The following LINGO1 variants were observed in gnomAD, a reference collection of about 807,000 sequenced individuals.
LINGO1 encodes leucine rich repeat and Ig domain containing 1.
LINGO1 carries 11 observed loss-of-function variants against 37.3 expected under a neutral mutation model. The ratio of observed to expected loss-of-function variants is 0.29; its 90% confidence interval spans 0.19 to 0.49. LINGO1 has a LOEUF of 0.49. Among genes scored for constraint, LINGO1 ranks in the 20% least tolerant of loss-of-function variants. The probability of loss-of-function intolerance (pLI) is 0.99; values close to 1 mark genes in which losing one functional copy is unlikely to be tolerated. For missense variants in LINGO1, 585 were observed against 878.2 expected, an observed-to-expected ratio of 0.67 and a Z score of 4.22; for synonymous variants, 387 against 403.0, an observed-to-expected ratio of 0.96 and a Z score of 0.48.
chr15:77,777,250 C>T (rs1259839805), intron 1 of LINGO1, among the ~76,000 whole-genome samples: 2 of 121,626 alleles, frequency 1.6e-5, no homozygotes, highest in Non-Finnish European at 3.6e-5. Flanking sequence ...TGATTACTGT[C>T]GTTGTTATCA....
chr15:77,746,883 C>G (rs898814133), intron 1 of LINGO1, among the ~76,000 whole-genome samples: 7 of 152,148 alleles, frequency 4.6e-5, no homozygotes, highest in Admixed American at 2.6e-4. Flanking sequence ...GACCACCCCC[C>G]ACTCCCAGGG....
At chr15:77,718,083 T>A (rs2076006452) in intron 2 of LINGO1, among the ~76,000 whole-genome samples, 5 of 150,694 alleles carry the variant, frequency 3.3e-5, no homozygotes, top group Middle Eastern at 3.4e-3. Flanking sequence ...GACAGCGCCA[T>A]CCCCCATGGG....
At chr15:77,769,312 C>G (rs2076560623) in intron 1 of LINGO1, among the ~76,000 whole-genome samples, 1 of 152,240 alleles carries the variant, frequency 6.6e-6, no homozygotes, top group African/African-American at 2.4e-5. Context: ...CTCGTCCCAT[C>G]CCCACCTCTG....
chr15:77,678,301 C>T (rs2075360774), intron 2 of LINGO1, among the ~76,000 whole-genome samples: 2 of 152,142 alleles, frequency 1.3e-5, no homozygotes, highest in Admixed American at 6.5e-5. Flanking sequence ...TCCTGTCACC[C>T]CCAAATCCCG....
intron 3 of LINGO1, among the ~76,000 whole-genome samples, chr15:77,675,356 T>C (rs981476105): frequency 6.6e-6 from 1 of 152,156 alleles, no homozygotes; most frequent in African/African-American, 2.4e-5. Flanking sequence ...AGTTTATAAA[T>C]AGCCAAATGC....
At chr15:77,667,955 G>C (rs935647255) in intron 3 of LINGO1, 4 of 153,206 alleles carry the variant, frequency 2.6e-5, no homozygotes, top group Non-Finnish European at 4.4e-5. Context: ...GAGGGCAAAG[G>C]AACCTGCACA....
intron 1 of LINGO1, among the ~76,000 whole-genome samples, chr15:77,695,280 T>TG (rs1332269281): frequency 6.6e-6 from 1 of 151,370 alleles, no homozygotes; most frequent in East Asian, 1.9e-4. Flanking sequence ...GGTGAGCAGA[T>TG]GGGGTGGGCA....
intron 1 of LINGO1, among the ~76,000 whole-genome samples, chr15:77,617,596 CCACACCT>C (rs1174660797): frequency 1.3e-5 from 2 of 152,216 alleles, no homozygotes; most frequent in African/African-American, 4.8e-5. Flanking sequence ...CCACCCCTTC[CCACACCT>C]CACACAGCCC....
chr15:77,677,193 A>G (rs976725533), intron 2 of LINGO1: 8 of 152,324 alleles, frequency 5.3e-5, no homozygotes, highest in Admixed American at 3.3e-4. Context: ...GAAGAGCAAG[A>G]AAGTTAGTGG....
intron 1 of LINGO1, among the ~76,000 whole-genome samples, chr15:77,750,826 G>A (rs1355068985): frequency 6.6e-6 from 1 of 152,224 alleles, no homozygotes. Flanking sequence ...AGTATTAGGT[G>A]AGCCCCTACT....
intron 2 of LINGO1, among the ~76,000 whole-genome samples, chr15:77,733,092 C>T (rs973029379): frequency 6.6e-6 from 1 of 152,158 alleles, no homozygotes; most frequent in Non-Finnish European, 1.5e-5. Context: ...TCTCAGCGTG[C>T]AGCAGCCACC....
intron 3 of LINGO1, among the ~76,000 whole-genome samples, chr15:77,646,936 G>T (rs1401431147): frequency 6.6e-6 from 1 of 152,214 alleles, no homozygotes; most frequent in Non-Finnish European, 1.5e-5. Flanking sequence ...TATGAGGAAG[G>T]TTCTGTGAGT....
At chr15:77,684,274 ATCC>A (rs1245900282) in intron 2 of LINGO1, among the ~76,000 whole-genome samples, 2 of 152,164 alleles carry the variant, frequency 1.3e-5, no homozygotes, top group Non-Finnish European at 1.5e-5. Flanking sequence ...GACTCATTGA[ATCC>A]TCCTAGCAAC....
chr15:77,656,924 C>T (rs2074878817), intron 3 of LINGO1, among the ~76,000 whole-genome samples: 1 of 152,170 alleles, frequency 6.6e-6, no homozygotes, highest in African/African-American at 2.4e-5. Context: ...CCCAGCAGTC[C>T]TGGTCTCTGA....
intron 1 of LINGO1, among the ~76,000 whole-genome samples, chr15:77,808,814 T>A (rs2076980665): frequency 6.6e-6 from 1 of 152,186 alleles, no homozygotes; most frequent in Admixed American, 6.5e-5. Context: ...AGGTAAAGCA[T>A]CTGGCACTGT....
At chr15:77,747,831 CAG>C (rs1330685264) in intron 1 of LINGO1, among the ~76,000 whole-genome samples, 3 of 152,184 alleles carry the variant, frequency 2.0e-5, no homozygotes, top group Non-Finnish European at 2.9e-5. Context: ...GAAACTATCC[CAG>C]AGAGAATCAT....
intron 3 of LINGO1, among the ~76,000 whole-genome samples, chr15:77,674,896 T>A (rs1250786540): frequency 6.6e-6 from 1 of 152,128 alleles, no homozygotes; most frequent in African/African-American, 2.4e-5. Flanking sequence ...TGTTCACTGT[T>A]CGGTCCCTAA....
Position 77,717,440 on chromosome 15 carries a change from G to A in LINGO1, c.-195+17552C>T, listed in dbSNP as rs534492397. 5.3e-5 allele frequency among the ~76,000 whole-genome samples: 8 copies of A among 150,868 alleles called. No individual in the cohort carries two copies. In the South Asian group the frequency reaches 1.5e-3, roughly 28 times the overall value. On this transcript the variant is annotated intron_variant, in intron 2 of 3. Coordinates refer to the LINGO1 transcript ENST00000561686. Reference sequence around the variant, plus strand: ...TAGGAGCCAGTGTGTCTACCAAGGCGAGGGGGGTGTTCCTGCCCAGAACTG... The same window carrying A: ...TAGGAGCCAGTGTGTCTACCAAGGCAAGGGGGGTGTTCCTGCCCAGAACTG...
chr15:77,771,456 A>G (rs75645687), intron 1 of LINGO1, among the ~76,000 whole-genome samples: 3,058 of 152,224 alleles, frequency 0.02, 104 homozygotes, highest in African/African-American at 0.07. Context: ...GCTTCACACT[A>G]TCCCAGGTCA....
Sources: gnomAD v4.1 joint callset for allele counts (sites outside exome capture counted in the v4.1 genomes callset) on GRCh38, gnomAD v4.1.1 for gene constraint, MANE v1.5 for transcripts, NCBI Gene and HGNC (gene_info 2026-07-23, HGNC 2026-07-21) for gene names.